Variants in RIF1 observed in about 807,000 individuals in gnomAD.
RIF1 encodes telomere-associated protein RIF1.
Under a neutral mutation model 247.1 loss-of-function variants are expected in RIF1, and 45 were observed. The observed-to-expected ratio is 0.18, with a 90% confidence interval of 0.14 to 0.23. The LOEUF (loss-of-function observed/expected upper bound fraction) is 0.23. Among genes scored for constraint, RIF1 ranks in the 10% least tolerant of loss-of-function variants. The pLI, the probability that RIF1 is intolerant of heterozygous loss-of-function variation, is 1.00. For synonymous variants in RIF1, 1,087 were observed against 978.8 expected, an observed-to-expected ratio of 1.11 and a Z score of -2.06; for missense variants, 2,967 against 2,862.5, an observed-to-expected ratio of 1.04 and a Z score of -0.83.
chr2:151,410,509 C>T lies in RIF1; in HGVS notation c.86C>T (p.Ala29Val). The change falls in exon 2 of 36, where the codon GCT becomes GTT. Residue 29 changes from alanine to valine, a missense_variant. Ala to Val is a moderately conservative substitution (Grantham distance 64). This residue lies in a region of RIF1 where 269 missense variants were observed against 288.6 expected (regional missense o/e 0.93). Transcript: ENST00000444746. ...GCCTCCCATGGAGGGCAGACTGACG[C>T]TTACCTGACTCTGACCAGGTGAGGT... Reference protein sequence around the residue: ...PSASHGGQTDAYLTLTSRMTG... With the variant: ...PSASHGGQTDVYLTLTSRMTG... 1 of 1,613,880 alleles carries T rather than the reference C, an allele frequency of 6.2e-7. No individual in the cohort carries two copies. The highest frequency in any genetic ancestry group is 8.5e-7 in the Non-Finnish European group (1 of 1,179,896).
In RIF1 at chr2:151,506,687, A is replaced by G. The variant is rs148705319; in HGVS notation, c.*1027+312A>G. On this transcript the variant is annotated intron_variant and NMD_transcript_variant, in intron 13 of 13. Coordinates refer to the RIF1 transcript ENST00000454583. ...CATGTTACTGCCCTGGGATTAAAAA[A>G]TTTAAAAATAAAAGTTACGTTGTTA... Among the ~76,000 whole-genome samples the G allele has an allele frequency of 1.4e-3, 215 of 152,342 alleles. 1 individual carries two copies. Among genetic ancestry groups the G allele is most frequent in the African/African-American group, 5.1e-3 (213 of 41,580 alleles).
chr2:151,519,070 CTG>C, the RIF1 span: 1 of 1,593,750 alleles, frequency 6.3e-7, no homozygotes, highest in Non-Finnish European at 8.6e-7. Flanking sequence ...TGTATTTAAC[CTG>C]TGTGTTATGG....
rs373055100 is a variant in RIF1 at position 151,413,184 on chromosome 2, G to A, written c.184-1639G>A. Reference sequence around the variant, plus strand: ...TGGGGTTACAGGCATGTGCCACTACGCCCAGCTACTTTTTTTTTTGTATTT... The same window carrying A: ...TGGGGTTACAGGCATGTGCCACTACACCCAGCTACTTTTTTTTTTGTATTT... On this transcript the variant is annotated intron_variant, in intron 3 of 35. Transcript: ENST00000444746. Among the ~76,000 whole-genome samples the A allele has an allele frequency of 1.5e-3, 225 of 151,744 alleles. 2 individuals carry two copies. In the South Asian group the frequency reaches 0.029, roughly 20 times the overall value.
chr2:151,440,527 T>C (rs566252455), intron 15 of RIF1, among the ~76,000 whole-genome samples: 85 of 147,202 alleles, frequency 5.8e-4, no homozygotes, highest in Middle Eastern at 3.6e-3. Context: ...TTAAAACCCC[T>C]TTTTTTTTTA....
the RIF1 span, chr2:151,533,643 G>C: frequency 1.3e-6 from 1 of 740,926 alleles, no homozygotes; most frequent in Admixed American, 2.1e-5. Context: ...AAGAGATGTA[G>C]GCATACACAC....
the RIF1 span, chr2:151,531,952 T>C: frequency 9.3e-7 from 1 of 1,079,776 alleles, no homozygotes; most frequent in Non-Finnish European, 1.4e-6. Context: ...GGCTTTAAGG[T>C]ATCTAATTGT....
At chr2:151,505,532 G>T (rs1202781859) in intron 12 of RIF1, 1 of 1,613,858 alleles carries the variant, frequency 6.2e-7, no homozygotes. Context: ...GCAGGTCAGG[G>T]ATTGGAGTTC....
chr2:151,471,669 C>G (rs967764157), intron 34 of RIF1, among the ~76,000 whole-genome samples: 14 of 152,080 alleles, frequency 9.2e-5, no homozygotes, highest in Non-Finnish European at 4.4e-5. Flanking sequence ...TGTCAAAGAC[C>G]AGATGGTTGT....
chr2:151,524,180 C>A, the RIF1 span: 1 of 743,564 alleles, frequency 1.3e-6, no homozygotes, highest in South Asian at 1.8e-5. Flanking sequence ...CTTTTTATAA[C>A]TCTTGGAAGC....
the RIF1 span, chr2:151,524,278 C>T: frequency 6.4e-6 from 10 of 1,561,998 alleles, no homozygotes; most frequent in African/African-American, 1.4e-5. Flanking sequence ...AATCTCCTCA[C>T]ATGAGAGCCA....
chr2:151,495,005 T>G (rs1313658310), intron 9 of RIF1: 1 of 152,222 alleles, frequency 6.6e-6, no homozygotes, highest in Non-Finnish European at 1.5e-5. Flanking sequence ...CATAGACATA[T>G]CAGTAAAACT....
At chr2:151,492,625 A>G (rs981574420) in intron 9 of RIF1, 2 of 533,390 alleles carry the variant, frequency 3.7e-6, no homozygotes, top group Non-Finnish European at 6.3e-6. Flanking sequence ...AGTGAGACAC[A>G]TGACCAATTT....
chr2:151,469,437 A>T (rs1439143146), intron 33 of RIF1, among the ~76,000 whole-genome samples: 1 of 152,126 alleles, frequency 6.6e-6, no homozygotes, highest in South Asian at 2.1e-4. Flanking sequence ...TGGGGAGGGG[A>T]TTATGTGTAC....
the RIF1 span, chr2:151,531,749 G>A: frequency 7.1e-7 from 1 of 1,412,970 alleles, no homozygotes; most frequent in Non-Finnish European, 9.9e-7. Context: ...GTTTGCAGAT[G>A]CCCCCTGAGT....
chr2:151,505,892 T>C, intron 12 of RIF1: 1 of 545,062 alleles, frequency 1.8e-6, no homozygotes, highest in Non-Finnish European at 3.3e-6. Context: ...TTGACATACA[T>C]ATATCCAGGA....
chr2:151,441,808 C>T, intron 15 of RIF1, 97 bp from the exon 16 acceptor site: 1 of 540,432 alleles, frequency 1.9e-6, no homozygotes, highest in Non-Finnish European at 3.3e-6. Context: ...AATGAATGAA[C>T]ATTACTTGTA....
intron 19 of RIF1, 111 bp downstream of exon 19, chr2:151,445,556 CTTTT>C (rs978305023): frequency 3.4e-6 from 2 of 588,388 alleles, no homozygotes; most frequent in Non-Finnish European, 5.9e-6. Context: ...TTCTTTTTCT[CTTTT>C]TTTTTTGAGA....
At chr2:151,529,685 C>T in the RIF1 span, among the ~76,000 whole-genome samples, 1 of 152,144 alleles carries the variant, frequency 6.6e-6, no homozygotes, top group East Asian at 1.9e-4. Flanking sequence ...CATGCGCCAC[C>T]TCACCCGGCT....
chr2:151,485,734 C>T, downstream of RIF1: 1 of 1,581,256 alleles, frequency 6.3e-7, no homozygotes, highest in Non-Finnish European at 8.6e-7. Flanking sequence ...GTAAGTCCTG[C>T]AGACAAGTGT....
Sources: gnomAD v4.1 joint callset for allele counts (sites outside exome capture counted in the v4.1 genomes callset) on GRCh38, gnomAD v4.1.1 for gene constraint, gnomAD v4.1.1 regional missense constraint, MANE v1.5 for transcripts, NCBI Gene and HGNC (gene_info 2026-07-23, HGNC 2026-07-21) for gene names.